The following TRIM4 variants were observed in gnomAD, a reference collection of about 807,000 sequenced individuals.
TRIM4 encodes E3 ubiquitin-protein ligase TRIM4.
TRIM4 carries 29 observed loss-of-function variants against 33.7 expected under a neutral mutation model. The ratio of observed to expected loss-of-function variants is 0.86; its 90% CI spans 0.64 to 1.17. The LOEUF is 1.17. Ranked by LOEUF, TRIM4 falls within the 50% of genes most tolerant of loss-of-function variation. The pLI is 0.00. For missense variants in TRIM4, 554 were observed against 593.7 expected (o/e 0.93, Z 0.69); for synonymous variants, 224 against 233.0 (o/e 0.96, Z 0.35).
intron 1 of TRIM4, among the ~76,000 whole-genome samples, chr7:99,911,413 G>A (rs1382890414): frequency 1.3e-5 from 2 of 151,758 alleles, no homozygotes; most frequent in Non-Finnish European, 2.9e-5. Flanking sequence ...AGGGTGGCCT[G>A]GGCAACTTTC....
At chr7:99,906,800 C>T (rs1819317086) in intron 3 of TRIM4, among the ~76,000 whole-genome samples, 1 of 152,034 alleles carries the variant, frequency 6.6e-6, no homozygotes, top group Admixed American at 6.6e-5. Context: ...GAGCTATGAG[C>T]ACACCACCGC....
intron 5 of TRIM4, chr7:99,902,151 GT>G (rs1819189711): frequency 3.9e-6 from 3 of 765,038 alleles, no homozygotes; most frequent in Non-Finnish European, 7.2e-6. Flanking sequence ...TGCCTGTTTT[GT>G]TTTTGTGTTT....
rs374182247 is a variant in TRIM4, at chr7:99,904,790, G to A, written c.721-1192C>T. Reference sequence around the variant, plus strand: ...CTCATGCCTGTAATCCCAGCACTTTGGGAGGCTTAGGTGGGTGGATCACTT... The same window carrying A: ...CTCATGCCTGTAATCCCAGCACTTTAGGAGGCTTAGGTGGGTGGATCACTT... On this transcript the variant is annotated intron_variant, in intron 3 of 5. Coordinates refer to ENST00000349062, the MANE Select transcript of TRIM4 (RefSeq NM_033091.3). Among the ~76,000 whole-genome samples the A allele has an allele frequency of 3.9e-4, 59 of 152,224 alleles. 1 individual carries two copies. In the South Asian group the frequency reaches 0.012, roughly 32 times the overall value.
chr7:99,896,161 CTTTTA>C (rs1467645744), intron 5 of TRIM4, among the ~76,000 whole-genome samples: 1 of 152,008 alleles, frequency 6.6e-6, no homozygotes, highest in African/African-American at 2.4e-5. Flanking sequence ...AGCTACATCT[CTTTTA>C]TTTTAGTGGT....
chr7:99,909,538 G>A (rs898397822), intron 2 of TRIM4, 27 bp downstream of exon 2: 4 of 1,605,390 alleles, frequency 2.5e-6, no homozygotes, highest in Non-Finnish European at 1.7e-6. Flanking sequence ...TCAGGAGCAA[G>A]AAATATCCAA....
intron 5 of TRIM4, among the ~76,000 whole-genome samples, chr7:99,894,511 A>G (rs1195715179): frequency 6.6e-6 from 1 of 152,066 alleles, no homozygotes; most frequent in African/African-American, 2.4e-5. Context: ...AAAAAAAAAT[A>G]CAAAAATTAG....
chr7:99,906,194 C>A (rs1168857120), intron 3 of TRIM4, among the ~76,000 whole-genome samples: 1 of 151,964 alleles, frequency 6.6e-6, no homozygotes, highest in African/African-American at 2.4e-5. Flanking sequence ...CAGAGGGAGG[C>A]TACCCTTTGA....
At chr7:99,910,893 A>G (rs1819426070) in intron 1 of TRIM4, among the ~76,000 whole-genome samples, 1 of 152,262 alleles carries the variant, frequency 6.6e-6, no homozygotes, top group Non-Finnish European at 1.5e-5. Flanking sequence ...AACACACAAG[A>G]GAAAAACCCA....
chr7:99,913,893 C>G (rs1346505711), intron 1 of TRIM4, among the ~76,000 whole-genome samples: 1 of 152,114 alleles, frequency 6.6e-6, no homozygotes, highest in Non-Finnish European at 1.5e-5. Flanking sequence ...AGCTGTGCAT[C>G]TGTGAGCAAG....
At position 99,892,714 on chromosome 7, in the gene TRIM4, G is replaced by T. The variant is rs267601667; in HGVS notation, c.874C>A (p.Pro292Thr). The T allele has an allele frequency of 2.5e-6, 4 of 1,613,750 alleles. No individual in the cohort carries two copies. The highest frequency in any genetic ancestry group is 2.2e-5 in the East Asian group (1 of 44,872). The change falls in exon 6 of 6, where the codon CCC becomes ACC. Residue 292 changes from proline (P) to threonine (T), a missense_variant. Physicochemically the swap from Pro to Thr is conservative, Grantham distance 38. This residue lies in a region of TRIM4 where 290 missense variants were observed against 335.8 expected (regional missense o/e 0.86). Transcript: ENST00000349062. Reference protein sequence around the residue: ...AVNLAEDTAHPKLVFSQEGRY... With the variant: ...AVNLAEDTAHTKLVFSQEGRY... Reference sequence around the variant, plus strand: ...CCTTCCTGGGAGAAGACGAGTTTGGGATGAGCTGTGTCTTCAGCTAGGTTT... The same window carrying T: ...CCTTCCTGGGAGAAGACGAGTTTGGTATGAGCTGTGTCTTCAGCTAGGTTT...
At chr7:99,904,019 G>C (rs1819238900) in intron 3 of TRIM4, among the ~76,000 whole-genome samples, 1 of 152,152 alleles carries the variant, frequency 6.6e-6, no homozygotes, top group Non-Finnish European at 1.5e-5. Context: ...CAAGTCCAAA[G>C]AGATTTTCTA....
intron 5 of TRIM4, among the ~76,000 whole-genome samples, chr7:99,894,303 A>AT (rs1041715796): frequency 5.9e-5 from 9 of 152,176 alleles, no homozygotes; most frequent in Non-Finnish European, 1.2e-4. Flanking sequence ...CTCTTCATCA[A>AT]TTTTCAATAG....
intron 1 of TRIM4, among the ~76,000 whole-genome samples, chr7:99,918,615 T>A (rs911588683): frequency 4.1e-4 from 63 of 152,286 alleles, no homozygotes; most frequent in African/African-American, 1.5e-3. Context: ...CTTTGAATAT[T>A]TGGGGTAATC....
intron 5 of TRIM4, among the ~76,000 whole-genome samples, chr7:99,899,801 G>C (rs942745745): frequency 2.0e-5 from 3 of 152,072 alleles, no homozygotes; most frequent in African/African-American, 7.2e-5. Flanking sequence ...AGTTTTCTGG[G>C]TTTTCTTTTG....
intron 5 of TRIM4, among the ~76,000 whole-genome samples, chr7:99,897,849 T>G (rs2527918): frequency 0.39 from 59,015 of 152,000 alleles, 12,053 homozygotes; most frequent in Non-Finnish European, 0.46. Flanking sequence ...CTGCCAGGGG[T>G]GGTGCTCTCA....
chr7:99,908,711 T>C lies in TRIM4; in HGVS notation c.591A>G (p.Lys197=), dbSNP rs1819365927. ...GCTTCTTCTTCGTCTCTTCTTCTTC[T>C]TTGTTCAATCTCTGAAGAAACAGGT... ...EEDLFLQRLN[K]EEEETKKKLN... The change falls in exon 3 of 6, where the codon AAA becomes AAG. Residue 197 remains lysine, a synonymous_variant. Transcript: ENST00000349062. The C allele has an allele frequency of 6.2e-7, 1 of 1,614,092 alleles. No homozygotes were observed.
chr7:99,908,246 G>A, intron 3 of TRIM4: 1 of 198,992 alleles, frequency 5.0e-6, no homozygotes, highest in Non-Finnish European at 1.0e-5. Flanking sequence ...GTACTTGGGA[G>A]TTTTATGCTT....
intron 5 of TRIM4, among the ~76,000 whole-genome samples, chr7:99,900,560 G>A (rs1045106370): frequency 6.6e-6 from 1 of 152,164 alleles, no homozygotes; most frequent in African/African-American, 2.4e-5. Flanking sequence ...ATTCCTTTGT[G>A]TAGAGAGATT....
intron 2 of TRIM4, among the ~76,000 whole-genome samples, 168 bp from the exon 3 acceptor site, chr7:99,908,980 T>C (rs144840385): frequency 3.0e-4 from 46 of 152,362 alleles, no homozygotes; most frequent in African/African-American, 9.4e-4. Flanking sequence ...ACCTACTTGA[T>C]AGCTCTGTCT....
Sources: allele counts gnomAD v4.1 joint callset (sites outside exome capture counted in the v4.1 genomes callset), GRCh38; gene constraint gnomAD v4.1.1; regional missense constraint gnomAD v4.1.1; transcripts MANE v1.5; gene names NCBI Gene and HGNC (gene_info 2026-07-23, HGNC 2026-07-21).